AGBL4: variants seen among roughly 807,000 people sequenced by gnomAD.
AGBL4 encodes the protein AGBL carboxypeptidase 4.
Under a neutral mutation model 66.4 loss-of-function variants are expected in AGBL4, and 58 were observed. The observed-to-expected ratio is 0.87, with a 90% CI of 0.71 to 1.09. The LOEUF (loss-of-function observed/expected upper bound fraction) is 1.09, where lower values mean the gene tolerates loss of function less well. Ranked by LOEUF, AGBL4 falls within the 50% of genes least tolerant of loss-of-function variation. The pLI is 0.00. For missense variants in AGBL4, 579 were observed against 631.0 expected, an observed-to-expected ratio of 0.92 and a Z score of 0.88; for synonymous variants, 234 against 222.9, an observed-to-expected ratio of 1.05 and a Z score of -0.44.
chr1:49,442,414 A>G (rs1646054890), intron 3 of AGBL4, among the ~76,000 whole-genome samples: 1 of 152,220 alleles, frequency 6.6e-6, no homozygotes, highest in African/African-American at 2.4e-5. Context: ...ATTTATGAAT[A>G]GTCACAAATT....
intron 3 of AGBL4, among the ~76,000 whole-genome samples, chr1:49,514,850 C>T (rs1394762112): frequency 1.3e-5 from 2 of 152,058 alleles, no homozygotes; most frequent in Admixed American, 1.3e-4. Flanking sequence ...AAAGCTGAAA[C>T]TGGATCCCTT....
At chr1:48,823,116 T>C (rs959508443) in intron 6 of AGBL4, among the ~76,000 whole-genome samples, 4 of 152,316 alleles carry the variant, frequency 2.6e-5, no homozygotes, top group East Asian at 3.9e-4. Context: ...GTGACTTGGT[T>C]TTCTAATACA....
In AGBL4 at chr1:48,709,845, A is replaced by G. The variant is rs531112591; in HGVS notation, c.635-46604T>C. Among the ~76,000 whole-genome samples the G allele has an allele frequency of 4.6e-5, 7 of 151,994 alleles. No individual in the cohort carries two copies. The East Asian group carries it at 9.7e-4, about 21-fold the overall frequency. The stretch of plus-strand genomic sequence containing the variant: ...TCTCGATCTCCTGACCTCGTGATCC[A>G]CCCACCTTGGCCTCCCAAAGTGCTG... On this transcript the variant is annotated intron_variant, in intron 6 of 13. Coordinates refer to ENST00000371839, the MANE Select transcript of AGBL4 (RefSeq NM_032785.4).
intron 1 of AGBL4, among the ~76,000 whole-genome samples, chr1:49,858,025 A>T (rs1169261732): frequency 6.6e-6 from 1 of 152,158 alleles, no homozygotes; most frequent in East Asian, 1.9e-4. Context: ...ACAACAAAAA[A>T]ATAAAATATC....
intron 3 of AGBL4, among the ~76,000 whole-genome samples, chr1:49,682,749 T>A (rs1053374738): frequency 3.3e-5 from 5 of 152,210 alleles, no homozygotes; most frequent in Non-Finnish European, 7.3e-5. Context: ...AAATTCTTCA[T>A]ATTATTTAAC....
chr1:49,683,911 T>C (rs1434498420), intron 3 of AGBL4, among the ~76,000 whole-genome samples: 3 of 152,204 alleles, frequency 2.0e-5, no homozygotes, highest in Non-Finnish European at 2.9e-5. Flanking sequence ...GCTGGAAAGA[T>C]GAATTACACT....
intron 5 of AGBL4, among the ~76,000 whole-genome samples, chr1:49,002,483 T>C (rs1031303182): frequency 4.6e-5 from 7 of 152,348 alleles, no homozygotes; most frequent in Non-Finnish European, 1.0e-4. Flanking sequence ...ACATTCTCTG[T>C]ACCTTCAAAA....
At chr1:49,555,002 T>C (rs985439077) in intron 3 of AGBL4, among the ~76,000 whole-genome samples, 7 of 152,118 alleles carry the variant, frequency 4.6e-5, no homozygotes, top group Non-Finnish European at 7.4e-5. Context: ...AGCAGAAAGA[T>C]TTACTGTGAA....
intron 2 of AGBL4, among the ~76,000 whole-genome samples, chr1:49,804,857 C>T (rs1644941468): frequency 6.6e-6 from 1 of 152,030 alleles, no homozygotes; most frequent in South Asian, 2.1e-4. Flanking sequence ...TTAGAGTATC[C>T]CTAGATGCAT....
At chr1:48,938,446 C>G (rs72895639) in intron 5 of AGBL4, among the ~76,000 whole-genome samples, 16,173 of 152,168 alleles carry the variant, frequency 0.11, 954 homozygotes, top group African/African-American at 0.12. Flanking sequence ...CGTTCTATGA[C>G]AATAGGATAA....
chr1:48,786,801 T>G (rs1645417740), intron 6 of AGBL4, among the ~76,000 whole-genome samples: 1 of 150,914 alleles, frequency 6.6e-6, no homozygotes, highest in Non-Finnish European at 1.5e-5. Context: ...GAGTGGAGGA[T>G]TATCTGAGCC....
intron 1 of AGBL4, among the ~76,000 whole-genome samples, chr1:49,866,483 G>C (rs967008292): frequency 2.6e-5 from 4 of 152,176 alleles, no homozygotes; most frequent in African/African-American, 4.8e-5. Flanking sequence ...AGACTTTCTG[G>C]CTGGGCACGG....
intron 2 of AGBL4, among the ~76,000 whole-genome samples, chr1:49,768,761 G>A (rs1478979053): frequency 6.6e-6 from 1 of 152,020 alleles, no homozygotes; most frequent in Non-Finnish European, 1.5e-5. Context: ...GTAATTCTAT[G>A]CCTAGAAAAC....
intron 5 of AGBL4, among the ~76,000 whole-genome samples, chr1:48,948,212 G>C (rs775705475): frequency 2.0e-5 from 3 of 152,198 alleles, no homozygotes; most frequent in Non-Finnish European, 4.4e-5. Context: ...GATGGGACTG[G>C]AACAGATCCC....
chr1:49,489,625 G>C (rs892713998), intron 3 of AGBL4, among the ~76,000 whole-genome samples: 1 of 151,780 alleles, frequency 6.6e-6, no homozygotes, highest in Non-Finnish European at 1.5e-5. Context: ...CAATGGCCTG[G>C]AGAGTTTCTT....
chr1:49,554,270 T>C (rs1653218283), intron 3 of AGBL4, among the ~76,000 whole-genome samples: 1 of 152,180 alleles, frequency 6.6e-6, no homozygotes, highest in South Asian at 2.1e-4. Flanking sequence ...GAAGTTCCGA[T>C]AAATAAGATT....
intron 2 of AGBL4, among the ~76,000 whole-genome samples, chr1:49,818,975 C>T (rs1645298809): frequency 6.6e-6 from 1 of 152,058 alleles, no homozygotes; most frequent in African/African-American, 2.4e-5. Flanking sequence ...AGTCAAATCC[C>T]AGCTCTATCA....
At chr1:49,596,033 G>A (rs1159007440) in intron 3 of AGBL4, among the ~76,000 whole-genome samples, 1 of 152,062 alleles carries the variant, frequency 6.6e-6, no homozygotes, top group East Asian at 1.9e-4. Context: ...GTATGAGAGA[G>A]GCAGGTTCTA....
intron 6 of AGBL4, among the ~76,000 whole-genome samples, chr1:48,773,030 TG>T (rs2148699414): frequency 6.6e-6 from 1 of 152,222 alleles, no homozygotes; most frequent in African/African-American, 2.4e-5. Flanking sequence ...CTGCCACCCC[TG>T]GGTCGTGCTG....
Sources: gnomAD v4.1 joint callset for allele counts (sites outside exome capture counted in the v4.1 genomes callset) on GRCh38, gnomAD v4.1.1 for gene constraint, MANE v1.5 for transcripts, NCBI Gene and HGNC (gene_info 2026-07-23, HGNC 2026-07-21) for gene names.